Variants in CACNA1H observed in about 807,000 individuals in gnomAD.
CACNA1H encodes the protein voltage-dependent T-type calcium channel subunit alpha-1H.
A neutral mutation model predicts 192.5 loss-of-function variants in CACNA1H; 149 were observed. The observed-to-expected ratio is 0.77, with a 90% CI of 0.68 to 0.89. The LOEUF is 0.89. CACNA1H is among the 40% of genes least tolerant of loss of function. CACNA1H has a pLI of 0.00. For missense variants in CACNA1H, 4,257 were observed against 3,423.5 expected, an observed-to-expected ratio of 1.24 and a Z score of -6.08; for synonymous variants, 2,202 against 1,475.2, an observed-to-expected ratio of 1.49 and a Z score of -11.29.
At chr16:1,184,235 A>T (rs1965759240) in intron 2 of CACNA1H, among the ~76,000 whole-genome samples, 9 of 152,256 alleles carry the variant, frequency 5.9e-5, no homozygotes, top group Admixed American at 5.9e-4. Context: ...GAGACCAGGG[A>T]GCAGACCCTG....
chr16:1,202,289 C>T lies in CACNA1H; in HGVS notation c.1839C>T (p.Tyr613=), dbSNP rs2141261661. Residue 613 remains tyrosine (Y), a synonymous_variant, in exon 9 of 35, where the codon TAC becomes TAT. Transcript: ENST00000348261. The stretch of plus-strand genomic sequence containing the variant: ...CCACAGGGCTGGGCACCATGAACTA[C>T]CCCACGATCCTGCCCTCAGGGGTGG... ...RLATGLGTMN[Y]PTILPSGVGS... The T allele has an allele frequency of 1.9e-6, 3 of 1,584,350 alleles. No individual in the cohort carries two copies. Among genetic ancestry groups the T allele is most frequent in the Non-Finnish European group, 2.6e-6 (3 of 1,167,480 alleles).
At chr16:1,156,030 C>G (rs1165691869) in intron 2 of CACNA1H, among the ~76,000 whole-genome samples, 1 of 152,104 alleles carries the variant, frequency 6.6e-6, no homozygotes, top group Non-Finnish European at 1.5e-5. Flanking sequence ...AGAGCATGCC[C>G]CATCCCTGGT....
chr16:1,155,278 C>G (rs918405401), intron 2 of CACNA1H, among the ~76,000 whole-genome samples: 1 of 152,210 alleles, frequency 6.6e-6, no homozygotes. Flanking sequence ...GCCCCACACC[C>G]GCTGCCCGGG....
chr16:1,166,487 C>T (rs1371573409), intron 2 of CACNA1H, among the ~76,000 whole-genome samples: 1 of 152,180 alleles, frequency 6.6e-6, no homozygotes, highest in Non-Finnish European at 1.5e-5. Context: ...GTAATTTATC[C>T]ACCACCTAAC....
intron 32 of CACNA1H, 77 bp downstream of exon 32, chr16:1,218,117 C>T (rs552285269): frequency 2.8e-5 from 44 of 1,544,888 alleles, no homozygotes; most frequent in Middle Eastern, 1.7e-4. Context: ...GGGTCGGATC[C>T]GTCCTTGCAG....
intron 2 of CACNA1H, among the ~76,000 whole-genome samples, chr16:1,186,934 G>A (rs1287583929): frequency 1.3e-5 from 2 of 152,182 alleles, no homozygotes; most frequent in East Asian, 1.9e-4. Flanking sequence ...CACGGACACA[G>A]GGCTGGTTCC....
chr16:1,171,208 C>T (rs550358528), intron 2 of CACNA1H, among the ~76,000 whole-genome samples: 15 of 152,124 alleles, frequency 9.9e-5, no homozygotes, highest in Middle Eastern at 3.2e-3. Flanking sequence ...TGCTCACCCC[C>T]GCGCCGCCCA....
chr16:1,200,636 C>A (rs1356624985), intron 7 of CACNA1H, 65 bp downstream of exon 7: 2 of 1,588,592 alleles, frequency 1.3e-6, no homozygotes, highest in Admixed American at 1.7e-5. Flanking sequence ...CAGGACTCGC[C>A]CCCCCCAGCC....
intron 18 of CACNA1H, 45 bp downstream of exon 18, chr16:1,210,180 C>A: frequency 6.8e-7 from 1 of 1,463,910 alleles, no homozygotes; most frequent in Non-Finnish European, 9.3e-7. Flanking sequence ...TTCCACCCCA[C>A]GGGACCCCCG....
Position 1,210,350 on chromosome 16 carries a change from A to AATAACCC in CACNA1H, c.3846-20_3846-19insATAACCC. ...TCCACGCCGCCCCGCCCCACCTCTC[A>AATAACCC]CCCGCCCCCGCCCACCCAGGTTCCG... On this transcript the variant is annotated intron_variant, in intron 18 of 34. Coordinates refer to ENST00000348261, the MANE Select transcript of CACNA1H (RefSeq NM_021098.3). 1 of 313,946 alleles carries AATAACCC rather than the reference A, an allele frequency of 3.2e-6. No individual in the cohort carries two copies. The highest frequency in any genetic ancestry group is 4.6e-6 in the Non-Finnish European group (1 of 215,956). 19.4% of individuals were successfully genotyped at this position (313,946 alleles called of 1,614,324 possible).
Position 1,207,366 on chromosome 16 carries a change from C to T in CACNA1H, c.2999C>T (p.Thr1000Ile). 1.2e-6 allele frequency: 2 copies of T among 1,613,274 alleles called. No homozygotes were observed. Among genetic ancestry groups the T allele is most frequent in the Non-Finnish European group, 1.7e-6 (2 of 1,179,812 alleles). ...GCCCTCTACTTCGTGGCCCTCATGA[C>T]CTTCGGCAACTATGTGCTCTTCAAC... ...WAALYFVALM[T>I]FGNYVLFNLL... The change falls in exon 14 of 35, where the codon ACC becomes ATC. Residue 1000 changes from threonine (T) to isoleucine (I), a missense_variant. Physicochemically the swap from Thr to Ile is moderately conservative, Grantham distance 89. Coordinates refer to ENST00000348261, the MANE Select transcript of CACNA1H (RefSeq NM_021098.3).
intron 2 of CACNA1H, among the ~76,000 whole-genome samples, chr16:1,182,251 C>T (rs953999064): frequency 2.6e-5 from 4 of 152,128 alleles, no homozygotes; most frequent in Non-Finnish European, 5.9e-5. Flanking sequence ...TGCAGCCTGG[C>T]GGACATAGAG....
chr16:1,203,496 T>G (rs1054158829), intron 9 of CACNA1H, among the ~76,000 whole-genome samples: 1 of 152,002 alleles, frequency 6.6e-6, no homozygotes, highest in Non-Finnish European at 1.5e-5. Flanking sequence ...GGGGGTTGGG[T>G]GTGTGTGCCC....
Position 1,220,786 on chromosome 16 carries a change from G to A in CACNA1H, c.6854G>A (p.Ser2285Asn), listed in dbSNP as rs1199280604. ...VPSGDPFLDG[S>N]HSVTPESRAS... The stretch of plus-strand genomic sequence containing the variant: ...AGTGGAGACCCTTTCTTGGACGGTA[G>A]CCACAGTGTGACCCCAGAATCCAGA... The change falls in exon 35 of 35, where the codon AGC becomes AAC. Residue 2285 changes from serine to asparagine, a missense_variant. Transcript: ENST00000348261. 1.2e-6 allele frequency: 2 copies of A among 1,612,638 alleles called. No individual in the cohort carries two copies. The highest frequency in any genetic ancestry group is 8.5e-7 in the Non-Finnish European group (1 of 1,179,806).
intron 5 of CACNA1H, 46 bp downstream of exon 5, chr16:1,196,069 G>C: frequency 6.8e-7 from 1 of 1,461,724 alleles, no homozygotes; most frequent in Non-Finnish European, 9.6e-7. Flanking sequence ...AGGCTTGCGT[G>C]TCCGCCAGCC....
intron 2 of CACNA1H, among the ~76,000 whole-genome samples, chr16:1,163,011 G>A (rs569546582): frequency 2.2e-4 from 33 of 152,346 alleles, no homozygotes; most frequent in African/African-American, 5.5e-4. Flanking sequence ...CACAGTGGCC[G>A]GTGCTCTGCC....
chr16:1,217,511 A>G (rs1970125129), intron 31 of CACNA1H, among the ~76,000 whole-genome samples: 1 of 152,138 alleles, frequency 6.6e-6, no homozygotes, highest in Admixed American at 6.5e-5. Context: ...CACTTCAGGC[A>G]GCCCAGTCCC....
chr16:1,171,974 G>A (rs897890820), intron 2 of CACNA1H, among the ~76,000 whole-genome samples: 1 of 152,238 alleles, frequency 6.6e-6, no homozygotes, highest in South Asian at 2.1e-4. Flanking sequence ...GGGTCCAAGT[G>A]CGGCATGGGG....
rs772220413 is a variant in CACNA1H, at chr16:1,210,585, G to A, written c.3972G>A (p.Glu1324=). 3.7e-6 allele frequency: 6 copies of A among 1,609,142 alleles called. No homozygotes were observed. Among genetic ancestry groups the A allele is most frequent in the Middle Eastern group, 1.6e-4 (1 of 6,062 alleles). The change falls in exon 20 of 35, where the codon GAG becomes GAA. Residue 1324 remains glutamate, a splice_region_variant and synonymous_variant. Coordinates refer to ENST00000348261, the MANE Select transcript of CACNA1H (RefSeq NM_021098.3). The part of the protein sequence containing the change: ...ERPDIDPGST[E]RVFLSVSNYI... ...CCCCCACCGTCCTCTCCCGGCAGGAGCGGGTCTTCCTCAGCGTCTCCAATT... is the reference window on the plus strand; with the variant it reads ...CCCCCACCGTCCTCTCCCGGCAGGAACGGGTCTTCCTCAGCGTCTCCAATT...
Sources: allele counts gnomAD v4.1 joint callset (sites outside exome capture counted in the v4.1 genomes callset), GRCh38; gene constraint gnomAD v4.1.1; transcripts MANE v1.5; gene names NCBI Gene and HGNC (gene_info 2026-07-23, HGNC 2026-07-21).